The following MAF variants were observed in gnomAD, a reference collection of about 807,000 sequenced individuals.
The protein encoded by MAF is transcription factor Maf.
Under a neutral mutation model 22.0 loss-of-function variants are expected in MAF, and 10 were observed. That is an observed-to-expected ratio of 0.45 (90% CI 0.28 to 0.77). The LOEUF (loss-of-function observed/expected upper bound fraction) is 0.77, where lower values mean the gene tolerates loss of function less well. MAF is among the 30% of genes least tolerant of loss of function. The pLI, the probability that MAF is intolerant of heterozygous loss-of-function variation, is 0.12. For missense variants in MAF, 544 were observed against 548.4 expected, an observed-to-expected ratio of 0.99 and a Z score of 0.08; for synonymous variants, 337 against 255.8, an observed-to-expected ratio of 1.32 and a Z score of -3.03.
At chr16:79,223,396 C>T in the MAF span, among the ~76,000 whole-genome samples, 18 of 151,976 alleles carry the variant, frequency 1.2e-4, no homozygotes, top group African/African-American at 4.3e-4. Flanking sequence ...ACTAAATGCC[C>T]ACAAGAGAAA....
At chr16:79,537,604 C>T in the MAF span, among the ~76,000 whole-genome samples, 1 of 152,168 alleles carries the variant, frequency 6.6e-6, no homozygotes, top group Middle Eastern at 3.4e-3. Context: ...GGCTCTTTAC[C>T]CCATCAGTCT....
the MAF span, among the ~76,000 whole-genome samples, chr16:79,535,284 G>A: frequency 6.6e-6 from 1 of 151,814 alleles, no homozygotes; most frequent in South Asian, 2.1e-4. Flanking sequence ...TGGCGCCTCG[G>A]TTTTCTGATA....
At chr16:79,312,342 G>C in the MAF span, among the ~76,000 whole-genome samples, 1 of 152,140 alleles carries the variant, frequency 6.6e-6, no homozygotes, top group Non-Finnish European at 1.5e-5. Context: ...GTCACTGCAA[G>C]CATTAAATAC....
downstream of MAF, among the ~76,000 whole-genome samples, chr16:79,581,633 G>C (rs1215449807): frequency 6.6e-6 from 1 of 152,016 alleles, no homozygotes; most frequent in African/African-American, 2.4e-5. Flanking sequence ...CTTTTCAATA[G>C]ACTGAGAGGA....
At chr16:79,335,065 G>A in the MAF span, among the ~76,000 whole-genome samples, 1 of 151,436 alleles carries the variant, frequency 6.6e-6, no homozygotes, top group Non-Finnish European at 1.5e-5. Flanking sequence ...TGTGCCTGTA[G>A]TCCCAGCTAC....
In MAF at chr16:79,599,190, C is replaced by G. The variant is rs1397647728; in HGVS notation, c.713G>C (p.Gly238Ala). 3 of 1,062,128 alleles carry G rather than the reference C, an allele frequency of 2.8e-6. No homozygotes were observed. The highest frequency in any genetic ancestry group is 3.4e-6 in the Non-Finnish European group (3 of 879,372). 65.8% of individuals were successfully genotyped at this position (1,062,128 alleles called of 1,614,324 possible). The change falls in exon 1 of 2, where the codon GGC becomes GCC. Residue 238 changes from glycine (G) to alanine (A), a missense_variant. Gly to Ala is a moderately conservative substitution (Grantham distance 60). Coordinates refer to ENST00000326043, the MANE Select transcript of MAF (RefSeq NM_005360.5). ...CAGGGCGCCCCCCGCCCCCGCCGCG[C>G]CCCCGCCGCCTCCGCCGCCGCCGCC... ...GGGGGGGGGG[G>A]AAGAGGALHP...
the MAF span, among the ~76,000 whole-genome samples, chr16:79,276,846 G>A: frequency 6.6e-6 from 1 of 152,056 alleles, no homozygotes; most frequent in African/African-American, 2.4e-5. Context: ...CTAAAATCGA[G>A]GTGTCGGCAG....
chr16:79,535,452 C>T, the MAF span, among the ~76,000 whole-genome samples: 1 of 150,492 alleles, frequency 6.6e-6, no homozygotes, highest in Non-Finnish European at 1.5e-5. Flanking sequence ...GCTGAGTGGT[C>T]AAGAGGTGTG....
the MAF span, among the ~76,000 whole-genome samples, chr16:79,316,462 G>C: frequency 6.6e-6 from 1 of 152,154 alleles, no homozygotes; most frequent in African/African-American, 2.4e-5. Context: ...TGCATCATGT[G>C]TTTCTCGGTT....
chr16:79,336,543 G>T, the MAF span, among the ~76,000 whole-genome samples: 4 of 152,182 alleles, frequency 2.6e-5, no homozygotes, highest in African/African-American at 9.7e-5. Flanking sequence ...TAGCTTCATT[G>T]TCCTATTTTC....
At chr16:79,383,412 A>G in the MAF span, among the ~76,000 whole-genome samples, 62 of 152,354 alleles carry the variant, frequency 4.1e-4, no homozygotes, top group Middle Eastern at 0.014. Flanking sequence ...CTTGGTTTAA[A>G]AAAAAATGAA....
chr16:79,368,751 C>A, the MAF span, among the ~76,000 whole-genome samples: 1 of 152,144 alleles, frequency 6.6e-6, no homozygotes, highest in African/African-American at 2.4e-5. Context: ...GGGACTTTTG[C>A]AAATGCTCTT....
chr16:79,391,135 G>C, the MAF span, among the ~76,000 whole-genome samples: 1 of 152,098 alleles, frequency 6.6e-6, no homozygotes, highest in African/African-American at 2.4e-5. Context: ...AGCCTCTGGA[G>C]TCAGAAAACT....
the MAF span, among the ~76,000 whole-genome samples, chr16:79,437,659 C>G: frequency 1.3e-5 from 2 of 152,036 alleles, no homozygotes; most frequent in African/African-American, 4.8e-5. Context: ...CCAGCTTCAC[C>G]GTGGAGGGGA....
the MAF span, among the ~76,000 whole-genome samples, chr16:79,244,239 T>G: frequency 2.0e-5 from 3 of 151,894 alleles, no homozygotes; most frequent in African/African-American, 7.2e-5. Flanking sequence ...GAGAAAGAAA[T>G]AAAGGGTATT....
chr16:79,561,134 C>G, the MAF span, among the ~76,000 whole-genome samples: 1 of 152,178 alleles, frequency 6.6e-6, no homozygotes, highest in Non-Finnish European at 1.5e-5. Context: ...TCTTCTGGGT[C>G]ACACTGGGCT....
At chr16:79,510,529 T>C in the MAF span, among the ~76,000 whole-genome samples, 2 of 152,118 alleles carry the variant, frequency 1.3e-5, no homozygotes, top group Non-Finnish European at 2.9e-5. Flanking sequence ...GGTTCCAGAA[T>C]GGAAGGTTCT....
At chr16:79,242,600 T>G in the MAF span, among the ~76,000 whole-genome samples, 1 of 152,032 alleles carries the variant, frequency 6.6e-6, no homozygotes, top group Admixed American at 6.6e-5. Context: ...CACACACTAA[T>G]AGTGGGAGAC....
the MAF span, among the ~76,000 whole-genome samples, chr16:79,392,517 G>GAA: frequency 6.8e-6 from 1 of 146,310 alleles, no homozygotes; most frequent in Non-Finnish European, 1.5e-5. Context: ...GAGAGAGAGA[G>GAA]AAACAAAGCC....
Sources: gnomAD v4.1 joint callset for allele counts (sites outside exome capture counted in the v4.1 genomes callset) on GRCh38, gnomAD v4.1.1 for gene constraint, MANE v1.5 for transcripts, NCBI Gene and HGNC (gene_info 2026-07-23, HGNC 2026-07-21) for gene names.